The following RIMS1 variants were observed in gnomAD, a reference collection of about 807,000 sequenced individuals.
The protein encoded by RIMS1 is regulating synaptic membrane exocytosis protein 1.
RIMS1 carries 83 observed loss-of-function variants against 214.1 expected under a neutral mutation model. The ratio of observed to expected loss-of-function variants is 0.39; its 90% CI spans 0.32 to 0.47. The LOEUF (loss-of-function observed/expected upper bound fraction) is 0.47, where lower values mean the gene tolerates loss of function less well. Ranked by LOEUF, RIMS1 falls within the 20% of genes least tolerant of loss-of-function variation. The probability of loss-of-function intolerance (pLI) is 0.99; values close to 1 mark genes in which losing one functional copy is unlikely to be tolerated. For synonymous variants in RIMS1, 793 were observed against 786.8 expected, an observed-to-expected ratio of 1.01 and a Z score of -0.13; for missense variants, 2,050 against 2,161.8, an observed-to-expected ratio of 0.95 and a Z score of 1.03.
chr6:72,369,642 CCTTA>C (rs2098153248), intron 29 of RIMS1, among the ~76,000 whole-genome samples: 1 of 152,166 alleles, frequency 6.6e-6, no homozygotes, highest in African/African-American at 2.4e-5. Context: ...AAATAATCTC[CCTTA>C]CTTAAAGTCA....
At chr6:72,074,816 G>C (rs1318880333) in intron 2 of RIMS1, among the ~76,000 whole-genome samples, 1 of 152,116 alleles carries the variant, frequency 6.6e-6, no homozygotes, top group African/African-American at 2.4e-5. Flanking sequence ...ACTTTCCAAG[G>C]GTGTAAAATG....
At chr6:72,143,462 G>A (rs2042323663) in intron 4 of RIMS1, among the ~76,000 whole-genome samples, 2 of 152,138 alleles carry the variant, frequency 1.3e-5, no homozygotes, top group Admixed American at 6.6e-5. Flanking sequence ...TATGGCCTTG[G>A]TATTTGGGAA....
chr6:72,061,614 T>C (rs1827875020), intron 2 of RIMS1, among the ~76,000 whole-genome samples: 1 of 152,184 alleles, frequency 6.6e-6, no homozygotes, highest in South Asian at 2.1e-4. Context: ...GCAGTGGTGG[T>C]AGATGGAGAG....
chr6:71,982,357 C>T (rs914791035), intron 2 of RIMS1, among the ~76,000 whole-genome samples: 1 of 152,112 alleles, frequency 6.6e-6, no homozygotes, highest in Non-Finnish European at 1.5e-5. Context: ...GTGTGTGTGA[C>T]TGTAGGTATT....
chr6:72,103,737 C>A lies in RIMS1; in HGVS notation c.471+3751C>A, dbSNP rs552952683. On this transcript the variant is annotated intron_variant, in intron 4 of 33. Transcript: ENST00000521978. ...TTTGTCCTTTTGAGGGACTGCCAAACTTTCCCCAAGCAGCTGCATAGCAAT... is the reference window on the plus strand; with the variant it reads ...TTTGTCCTTTTGAGGGACTGCCAAAATTTCCCCAAGCAGCTGCATAGCAAT... Among the ~76,000 whole-genome samples the A allele has an allele frequency of 1.6e-3, 246 of 152,074 alleles. 2 individuals carry two copies. Among genetic ancestry groups the A allele is most frequent in the Non-Finnish European group, 1.6e-3 (109 of 68,000 alleles).
chr6:72,350,657 T>C (rs2097416080), intron 29 of RIMS1, among the ~76,000 whole-genome samples: 2 of 152,142 alleles, frequency 1.3e-5, no homozygotes, highest in Non-Finnish European at 2.9e-5. Context: ...TTTGAAAATA[T>C]CCTATGCCCT....
At chr6:72,170,763 T>A (rs1389499613) in intron 4 of RIMS1, among the ~76,000 whole-genome samples, 1 of 152,206 alleles carries the variant, frequency 6.6e-6, no homozygotes, top group Non-Finnish European at 1.5e-5. Flanking sequence ...AACAGGCACC[T>A]AAAATATTTG....
At chr6:72,131,354 C>T (rs536193217) in intron 4 of RIMS1, among the ~76,000 whole-genome samples, 7 of 152,222 alleles carry the variant, frequency 4.6e-5, no homozygotes, top group Non-Finnish European at 5.9e-5. Context: ...CCGATAGTCA[C>T]GTAGGTTCTT....
rs1045072990 is a variant in RIMS1 at position 72,373,381 on chromosome 6, A to G, written c.4367-17217A>G. Among the ~76,000 whole-genome samples, 7 of 152,196 alleles carry G rather than the reference A, an allele frequency of 4.6e-5. No individual in the cohort carries two copies. The East Asian group carries it at 5.8e-4, about 13-fold the overall frequency. Reference sequence around the variant, plus strand: ...TTTTCCTTCTCAGGAAGAGTTATCAATTCCACATTCATGGCCATGTTCATT... The same window carrying G: ...TTTTCCTTCTCAGGAAGAGTTATCAGTTCCACATTCATGGCCATGTTCATT... On this transcript the variant is annotated intron_variant, in intron 29 of 33. Transcript: ENST00000521978.
At chr6:71,973,361 T>C (rs557882749) in intron 2 of RIMS1, among the ~76,000 whole-genome samples, 2 of 152,268 alleles carry the variant, frequency 1.3e-5, no homozygotes, top group African/African-American at 4.8e-5. Context: ...CTGTATGCAT[T>C]GTATTTTTCT....
At chr6:72,086,748 A>G (rs1834757284) in intron 2 of RIMS1, among the ~76,000 whole-genome samples, 1 of 152,156 alleles carries the variant, frequency 6.6e-6, no homozygotes, top group African/African-American at 2.4e-5. Flanking sequence ...AGAGATGCTA[A>G]TAGATAAGTA....
rs2096455265 is a variant in RIMS1, at chr6:72,326,127, CCTT to C, written c.4131-7469_4131-7467del. Reference sequence around the variant, plus strand: ...ATTATTATTCTTTATACTACTTGTTCCTTCTTAAGGCTTACAATAGAATTATGG... The same window carrying C: ...ATTATTATTCTTTATACTACTTGTTCCTTAAGGCTTACAATAGAATTATGG... On this transcript the variant is annotated intron_variant, in intron 28 of 33. Coordinates refer to ENST00000521978, the MANE Select transcript of RIMS1 (RefSeq NM_014989.7). Among the ~76,000 whole-genome samples, 5 of 151,820 alleles carry C rather than the reference CCTT, an allele frequency of 3.3e-5. No homozygotes were observed. The South Asian group carries it at 1.0e-3, about 32-fold the overall frequency.
intron 29 of RIMS1, among the ~76,000 whole-genome samples, chr6:72,388,333 G>A (rs1321853896): frequency 6.6e-6 from 1 of 152,210 alleles, no homozygotes; most frequent in Non-Finnish European, 1.5e-5. Context: ...TTGAGGAAAT[G>A]CAGGGAAGAC....
chr6:71,921,474 T>G (rs1779974712), intron 1 of RIMS1, among the ~76,000 whole-genome samples: 1 of 152,214 alleles, frequency 6.6e-6, no homozygotes, highest in African/African-American at 2.4e-5. Flanking sequence ...AACTCCCATT[T>G]TCCAATGCAA....
intron 26 of RIMS1, among the ~76,000 whole-genome samples, chr6:72,296,493 T>C (rs1002206791): frequency 6.6e-6 from 1 of 151,942 alleles, no homozygotes; most frequent in African/African-American, 2.4e-5. Flanking sequence ...TAATTTTATC[T>C]TTCTGAGAGT....
Position 72,196,582 on chromosome 6 carries a change from T to TTTTTTTTTTTTTTTTA in RIMS1, c.1678+13448_1678+13449insATTTTTTTTTTTTTTT, listed in dbSNP as rs2050998637. On this transcript the variant is annotated intron_variant, in intron 6 of 33. Coordinates refer to ENST00000521978, the MANE Select transcript of RIMS1 (RefSeq NM_014989.7). Reference sequence around the variant, plus strand: ...TACTGTGCTGGCAGCCAGCTGCACTTTTTTTTTTTTTTTTTTTTTTTACCT... The same window carrying TTTTTTTTTTTTTTTTA: ...TACTGTGCTGGCAGCCAGCTGCACTTTTTTTTTTTTTTTTTATTTTTTTTTTTTTTTTTTTTTACCT... Among the ~76,000 whole-genome samples, 2 of 113,030 alleles carry TTTTTTTTTTTTTTTTA rather than the reference T, an allele frequency of 1.8e-5. 1 individual carries two copies. The highest frequency in any genetic ancestry group is 3.7e-5 in the Non-Finnish European group (2 of 54,014). The allele number at this position is 113,030 out of a possible 152,430, so 74.2% of individuals were successfully genotyped here.
chr6:72,105,143 A>G (rs1446001139), intron 4 of RIMS1, among the ~76,000 whole-genome samples: 3 of 152,098 alleles, frequency 2.0e-5, no homozygotes, highest in Admixed American at 1.3e-4. Flanking sequence ...TATGTTGCCA[A>G]TGCTGGTCTC....
chr6:72,274,559 G>A lies in RIMS1; in HGVS notation c.3482+127G>A, dbSNP rs537278650. On this transcript the variant is annotated intron_variant, in intron 23 of 33. Coordinates refer to ENST00000521978, the MANE Select transcript of RIMS1 (RefSeq NM_014989.7). ...CCAGGAGCCAGAGCCAGATATGTTA[G>A]ATGTAGCCAACTCTGGTAAAGCACC... The A allele has an allele frequency of 1.3e-5, 9 of 705,738 alleles. No homozygotes were observed. In the Admixed American group the frequency reaches 1.9e-4, roughly 15 times the overall value. 43.7% of individuals were successfully genotyped at this position (705,738 alleles called of 1,614,324 possible). A position where few individuals can be genotyped will look rare whatever the true frequency, so the allele number is the denominator to read the frequency against.
At chr6:71,986,750 AT>A (rs1352266419) in intron 2 of RIMS1, among the ~76,000 whole-genome samples, 52 of 152,324 alleles carry the variant, frequency 3.4e-4, no homozygotes, top group Admixed American at 3.4e-3. Flanking sequence ...TATGAAAAAT[AT>A]TTTTCCACCA....
Sources: allele counts gnomAD v4.1 joint callset (sites outside exome capture counted in the v4.1 genomes callset), GRCh38; gene constraint gnomAD v4.1.1; transcripts MANE v1.5; gene names NCBI Gene and HGNC (gene_info 2026-07-23, HGNC 2026-07-21).